The following IQGAP1 variants were observed in gnomAD, a reference collection of about 807,000 sequenced individuals.
The protein encoded by IQGAP1 is ras GTPase-activating-like protein IQGAP1.
IQGAP1 carries 66 observed loss-of-function variants against 215.6 expected under a neutral mutation model. The ratio of observed to expected loss-of-function variants is 0.31; its 90% CI spans 0.25 to 0.38. The LOEUF (loss-of-function observed/expected upper bound fraction) is 0.38, where lower values mean the gene tolerates loss of function less well. Among genes scored for constraint, IQGAP1 ranks in the 10% least tolerant of loss-of-function variants. The pLI is 1.00. For missense variants in IQGAP1, 1,712 were observed against 1,997.1 expected (o/e 0.86, Z 2.72); for synonymous variants, 772 against 728.7 (o/e 1.06, Z -0.96).
At chr15:90,457,359 T>C (rs1965698930) in intron 15 of IQGAP1, among the ~76,000 whole-genome samples, 2 of 152,118 alleles carry the variant, frequency 1.3e-5, no homozygotes, top group African/African-American at 2.4e-5. Context: ...TATTTCATTG[T>C]GTGGTTATAT....
intron 2 of IQGAP1, among the ~76,000 whole-genome samples, chr15:90,406,886 A>C (rs558323423): frequency 6.6e-6 from 1 of 152,338 alleles, no homozygotes; most frequent in African/African-American, 2.4e-5. Context: ...GGGAAACGAA[A>C]ACAAAATGAA....
At chr15:90,432,285 A>G (rs16944405) in intron 4 of IQGAP1, among the ~76,000 whole-genome samples, 52,524 of 151,964 alleles carry the variant, frequency 0.35, 9,736 homozygotes, top group East Asian at 0.67. Context: ...CCTTGGAGAT[A>G]CCTTGAACTT....
intron 8 of IQGAP1, 65 bp from the exon 9 acceptor site, chr15:90,443,329 G>A (rs897091496): frequency 3.2e-5 from 30 of 927,280 alleles, no homozygotes; most frequent in South Asian, 2.2e-4. Flanking sequence ...AGGAGCACAC[G>A]TGTATTTATG....
chr15:90,397,911 C>G (rs1368637443), intron 2 of IQGAP1: 2 of 48,034 alleles, frequency 4.2e-5, no homozygotes, highest in Non-Finnish European at 6.9e-5. Context: ...GAGATGGAGT[C>G]TCACTCTTGT....
Position 90,466,439 on chromosome 15 carries a change from G to C in IQGAP1, c.2035+3G>C, listed in dbSNP as rs752485206. The C allele has an allele frequency of 6.2e-7, 1 of 1,613,962 alleles. No homozygotes were observed. Among genetic ancestry groups the C allele is most frequent in the Non-Finnish European group, 8.5e-7 (1 of 1,179,936 alleles). On this transcript the variant is annotated splice_donor_region_variant and intron_variant, in intron 17 of 37. Coordinates refer to ENST00000268182, the MANE Select transcript of IQGAP1 (RefSeq NM_003870.4). ...CAAGAAGAAAAAACTGGCAGTAGGT[G>C]AGTTCTGGGATAATACATATGTGCC...
chr15:90,433,692 T>TA (rs781441704), intron 4 of IQGAP1, 27 bp from the exon 5 acceptor site: 12 of 1,330,706 alleles, frequency 9.0e-6, no homozygotes, highest in Non-Finnish European at 1.3e-5. Flanking sequence ...ATGGATATCT[T>TA]ACTCTGTTTC....
chr15:90,438,741 T>C (rs1271208955), intron 5 of IQGAP1, among the ~76,000 whole-genome samples: 1 of 152,090 alleles, frequency 6.6e-6, no homozygotes, highest in Admixed American at 6.6e-5. Flanking sequence ...TTTTTTTTTT[T>C]TGAAACGGAA....
chr15:90,479,024 A>G (rs1176219901), intron 26 of IQGAP1, among the ~76,000 whole-genome samples: 1 of 152,186 alleles, frequency 6.6e-6, no homozygotes, highest in Non-Finnish European at 1.5e-5. Flanking sequence ...GTCTTGGGTG[A>G]GGACCCAGAG....
At position 90,481,842 on chromosome 15, in the gene IQGAP1, A is replaced by G. The variant is rs553432340; in HGVS notation, c.3330-118A>G. On this transcript the variant is annotated intron_variant, in intron 26 of 37. Coordinates refer to ENST00000268182, the MANE Select transcript of IQGAP1 (RefSeq NM_003870.4). Reference sequence around the variant, plus strand: ...CTTATCACTTACCAGCCCCGTGAGGATGAGCTTAAGCTATCTAATATTTCT... The same window carrying G: ...CTTATCACTTACCAGCCCCGTGAGGGTGAGCTTAAGCTATCTAATATTTCT... The G allele has an allele frequency of 4.1e-5, 43 of 1,055,992 alleles. No individual in the cohort carries two copies. The South Asian group carries it at 5.5e-4, about 13-fold the overall frequency. The allele number at this position is 1,055,992 out of a possible 1,614,324, so 65.4% of individuals were successfully genotyped here.
chr15:90,487,505 T>C lies in IQGAP1; in HGVS notation c.4171T>C (p.Leu1391=), dbSNP rs754051899. The C allele has an allele frequency of 6.2e-7, 1 of 1,613,730 alleles. No individual in the cohort carries two copies. The highest frequency in any genetic ancestry group is 1.7e-5 in the Admixed American group (1 of 60,006). The change falls in exon 33 of 38, where the codon TTA becomes CTA. Residue 1391 remains leucine, a synonymous_variant. Coordinates refer to ENST00000268182, the MANE Select transcript of IQGAP1 (RefSeq NM_003870.4). ...CCCATCTCGTTTCAGTACAAAACGT[T>C]TAATTGTGGATGTCATCCGGTTCCA... is the stretch of plus-strand genomic sequence containing the variant. ...ARTILLNTKR[L]IVDVIRFQPG...
chr15:90,487,270 T>C (rs1966139672), intron 32 of IQGAP1, among the ~76,000 whole-genome samples, 181 bp downstream of exon 32: 1 of 152,204 alleles, frequency 6.6e-6, no homozygotes, highest in Non-Finnish European at 1.5e-5. Context: ...CTTATTTTGC[T>C]AATATGCTAC....
At chr15:90,406,458 C>T (rs756846851) in intron 2 of IQGAP1, among the ~76,000 whole-genome samples, 24 of 152,326 alleles carry the variant, frequency 1.6e-4, no homozygotes, top group Admixed American at 5.2e-4. Flanking sequence ...CCACCGTGCC[C>T]GGCCGGGGTT....
intron 2 of IQGAP1, among the ~76,000 whole-genome samples, chr15:90,400,217 G>A (rs1013712474): frequency 1.3e-5 from 2 of 152,102 alleles, no homozygotes; most frequent in South Asian, 2.1e-4. Flanking sequence ...TGATTAGTTA[G>A]ATCTGTGTAG....
Position 90,456,239 on chromosome 15 carries a change from A to C in IQGAP1, c.1700A>C (p.Lys567Thr). The C allele has an allele frequency of 6.2e-7, 1 of 1,614,120 alleles. No individual in the cohort carries two copies. The highest frequency in any genetic ancestry group is 8.5e-7 in the Non-Finnish European group (1 of 1,179,976). The change falls in exon 15 of 38, where the codon AAA becomes ACA. Residue 567 changes from lysine to threonine, a missense_variant. Coordinates refer to ENST00000268182, the MANE Select transcript of IQGAP1 (RefSeq NM_003870.4). ...CAGGCCCTACAGATTCCTGCAGCTAAACTTGAGGGAGTCCTTGCAGAAGTG... is the reference window on the plus strand; with the variant it reads ...CAGGCCCTACAGATTCCTGCAGCTACACTTGAGGGAGTCCTTGCAGAAGTG... Reference protein sequence around the residue: ...TLQALQIPAAKLEGVLAEVAQ... With the variant: ...TLQALQIPAATLEGVLAEVAQ...
intron 3 of IQGAP1, among the ~76,000 whole-genome samples, chr15:90,427,976 G>A (rs945429009): frequency 2.0e-5 from 3 of 152,142 alleles, no homozygotes; most frequent in Admixed American, 2.0e-4. Context: ...AACAAGGAAC[G>A]GTATAGGTAC....
chr15:90,458,129 T>C (rs1297627809), intron 15 of IQGAP1, among the ~76,000 whole-genome samples: 1 of 152,248 alleles, frequency 6.6e-6, no homozygotes, highest in African/African-American at 2.4e-5. Flanking sequence ...TAAATGGAGT[T>C]ATGCAATGTA....
At chr15:90,434,504 A>G (rs1241089645) in intron 5 of IQGAP1, among the ~76,000 whole-genome samples, 2 of 152,144 alleles carry the variant, frequency 1.3e-5, no homozygotes, top group African/African-American at 4.8e-5. Context: ...TGATAGTAAG[A>G]AATGATACAA....
Position 90,474,615 on chromosome 15 carries a change from TA to T in IQGAP1, c.2708del (p.Asn903ThrfsTer18). 6.2e-7 allele frequency: 1 copy of T among 1,614,070 alleles called. No individual in the cohort carries two copies. The highest frequency in any genetic ancestry group is 8.5e-7 in the Non-Finnish European group (1 of 1,179,914). ...AAGAGGTTATCACCCTCATTCGTTC[TA>T]ACCAGCAGCTGGAGAATGACCTCAA... ...REEVITLIRSNQQLENDLNLM... is the reference protein window; with the variant it reads ...REEVITLIRSXQQLENDLNLM... On this transcript the variant is annotated frameshift_variant, in exon 23 of 38. Transcript: ENST00000268182. LOFTEE classifies it high-confidence loss of function.
intron 2 of IQGAP1, among the ~76,000 whole-genome samples, chr15:90,422,224 C>T (rs1965146728): frequency 6.6e-6 from 1 of 152,150 alleles, no homozygotes; most frequent in African/African-American, 2.4e-5. Context: ...TCTTGTTATT[C>T]CATCTTTGCC....
Sources: allele counts gnomAD v4.1 joint callset (sites outside exome capture counted in the v4.1 genomes callset), GRCh38; gene constraint gnomAD v4.1.1; transcripts MANE v1.5; gene names NCBI Gene and HGNC (gene_info 2026-07-23, HGNC 2026-07-21).